Variants in MARCHF4 observed in about 807,000 individuals in gnomAD.
MARCHF4 encodes membrane associated ring-CH-type finger 4.
In MARCHF4, 14 loss-of-function variants were observed where a neutral mutation model predicts 43.9. That is an observed-to-expected ratio of 0.32 (90% CI 0.21 to 0.50). The LOEUF (loss-of-function observed/expected upper bound fraction) is 0.50. Among genes scored for constraint, MARCHF4 ranks in the 20% least tolerant of loss-of-function variants. MARCHF4 has a pLI of 0.98. For synonymous variants in MARCHF4, 226 were observed against 213.3 expected, an observed-to-expected ratio of 1.06 and a Z score of -0.52; for missense variants, 468 against 536.7, an observed-to-expected ratio of 0.87 and a Z score of 1.27.
chr2:216,330,078 A>C (rs1168127584), intron 1 of MARCHF4, among the ~76,000 whole-genome samples: 1 of 151,812 alleles, frequency 6.6e-6, no homozygotes, highest in East Asian at 1.9e-4. Context: ...GGGCAACAGA[A>C]TGAGAATCTG....
intron 2 of MARCHF4, among the ~76,000 whole-genome samples, chr2:216,281,802 C>T (rs1691132656): frequency 6.6e-6 from 1 of 152,182 alleles, no homozygotes; most frequent in Non-Finnish European, 1.5e-5. Context: ...CAGTGGAAGA[C>T]AGGGTAGGGA....
chr2:216,360,758 T>C (rs553762179), intron 1 of MARCHF4, among the ~76,000 whole-genome samples: 101 of 152,324 alleles, frequency 6.6e-4, no homozygotes, highest in African/African-American at 2.3e-3. Context: ...CTATGGACTT[T>C]GGGTGATAAT....
At chr2:216,289,237 G>GC (rs1219770448) in intron 1 of MARCHF4, among the ~76,000 whole-genome samples, 5 of 131,800 alleles carry the variant, frequency 3.8e-5, no homozygotes, top group Admixed American at 7.5e-5. Flanking sequence ...TTCCCCACCC[G>GC]CCCCCCACCC....
intron 1 of MARCHF4, among the ~76,000 whole-genome samples, chr2:216,311,406 C>A (rs1425045744): frequency 6.6e-6 from 1 of 152,010 alleles, no homozygotes; most frequent in South Asian, 2.1e-4. Context: ...TACAGTCATG[C>A]GTCACCACAC....
At chr2:216,322,560 G>A (rs111413027) in intron 1 of MARCHF4, among the ~76,000 whole-genome samples, 3 of 152,220 alleles carry the variant, frequency 2.0e-5, no homozygotes, top group Non-Finnish European at 2.9e-5. Flanking sequence ...GGTGGCTCAC[G>A]CCTGTAATCT....
chr2:216,357,393 C>G (rs1183047266), intron 1 of MARCHF4, among the ~76,000 whole-genome samples: 2 of 152,204 alleles, frequency 1.3e-5, no homozygotes, highest in East Asian at 3.8e-4. Context: ...TACATCATGG[C>G]TCCCTGCAGC....
chr2:216,288,643 G>A (rs562538427), intron 1 of MARCHF4, among the ~76,000 whole-genome samples: 1 of 152,098 alleles, frequency 6.6e-6, no homozygotes, highest in African/African-American at 2.4e-5. Flanking sequence ...CAGAAGAAGA[G>A]TGCAGGCCTC....
chr2:216,327,287 T>C (rs1692009311), intron 1 of MARCHF4, among the ~76,000 whole-genome samples: 1 of 152,146 alleles, frequency 6.6e-6, no homozygotes, highest in Non-Finnish European at 1.5e-5. Context: ...ATTCTAAAGT[T>C]TTTTGTTTTC....
At chr2:216,325,031 G>C (rs1015462262) in intron 1 of MARCHF4, among the ~76,000 whole-genome samples, 6 of 152,066 alleles carry the variant, frequency 3.9e-5, no homozygotes, top group African/African-American at 1.2e-4. Flanking sequence ...AATTGTCCCT[G>C]TTTGCAGACG....
At chr2:216,293,570 TAAA>T (rs11317578) in intron 1 of MARCHF4, among the ~76,000 whole-genome samples, 61 of 118,128 alleles carry the variant, frequency 5.2e-4, no homozygotes, top group Admixed American at 1.0e-3. Flanking sequence ...CATTTCAATG[TAAA>T]AAAAAAAAAA....
chr2:216,326,801 A>G (rs1160612221), intron 1 of MARCHF4, among the ~76,000 whole-genome samples: 19 of 121,590 alleles, frequency 1.6e-4, no homozygotes, highest in African/African-American at 5.9e-4. Context: ...TCACACTCTG[A>G]GGACTGTTGT....
intron 1 of MARCHF4, among the ~76,000 whole-genome samples, chr2:216,369,359 A>T (rs775189283): frequency 6.6e-6 from 1 of 152,250 alleles, no homozygotes; most frequent in Non-Finnish European, 1.5e-5. Context: ...GGGACTGAAG[A>T]TGGGCTAGAC....
At chr2:216,359,219 G>A (rs1000180752) in intron 1 of MARCHF4, among the ~76,000 whole-genome samples, 21 of 152,352 alleles carry the variant, frequency 1.4e-4, no homozygotes, top group African/African-American at 4.6e-4. Flanking sequence ...GAAGAGAGAT[G>A]TAAGAGGCAT....
intron 3 of MARCHF4, among the ~76,000 whole-genome samples, chr2:216,263,821 T>C (rs1690799111): frequency 1.3e-5 from 2 of 152,000 alleles, no homozygotes; most frequent in South Asian, 4.2e-4. Flanking sequence ...AGGCTGCTAA[T>C]GATGGACCAT....
At chr2:216,361,252 AT>A in intron 1 of MARCHF4, among the ~76,000 whole-genome samples, 1 of 152,268 alleles carries the variant, frequency 6.6e-6, no homozygotes, top group Admixed American at 6.5e-5. Flanking sequence ...CTATGGTGAG[AT>A]TTTCTCCTAG....
chr2:216,302,275 G>C (rs13023076), intron 1 of MARCHF4, among the ~76,000 whole-genome samples: 40,041 of 151,978 alleles, frequency 0.26, 6,471 homozygotes, highest in Non-Finnish European at 0.35. Context: ...CTGGAGTGCA[G>C]TGGTGTGATC....
rs188339662 is a variant in MARCHF4 at position 216,330,079 on chromosome 2, T to C, written c.516+39666A>G. Among the ~76,000 whole-genome samples, 72 of 151,162 alleles carry C rather than the reference T, an allele frequency of 4.8e-4. 1 individual carries two copies. Among genetic ancestry groups the C allele is most frequent in the Non-Finnish European group, 4.1e-4 (28 of 67,908 alleles). On this transcript the variant is annotated intron_variant, in intron 1 of 3. Coordinates refer to ENST00000273067, the MANE Select transcript of MARCHF4 (RefSeq NM_020814.3). ...CTGTACTCTAGCCTGGGCAACAGAA[T>C]GAGAATCTGCCTCATTAAAAAAAAA...
At chr2:216,288,791 C>G (rs548306083) in intron 1 of MARCHF4, among the ~76,000 whole-genome samples, 44 of 152,112 alleles carry the variant, frequency 2.9e-4, no homozygotes, top group African/African-American at 1.1e-3. Context: ...CAATAATATG[C>G]CTCCCCAAAA....
At chr2:216,328,593 C>T (rs1294779000) in intron 1 of MARCHF4, among the ~76,000 whole-genome samples, 1 of 152,140 alleles carries the variant, frequency 6.6e-6, no homozygotes, top group Non-Finnish European at 1.5e-5. Context: ...TGAGTGGAGA[C>T]ATCACCCAGA....
Sources: allele counts gnomAD v4.1 joint callset (sites outside exome capture counted in the v4.1 genomes callset), GRCh38; gene constraint gnomAD v4.1.1; transcripts MANE v1.5; gene names NCBI Gene and HGNC (gene_info 2026-07-23, HGNC 2026-07-21).